Variants in RUNX2 observed in about 807,000 individuals in gnomAD.
RUNX2 encodes RUNX family transcription factor 2.
RUNX2 carries 10 observed loss-of-function variants against 51.7 expected under a neutral mutation model. The observed-to-expected ratio is 0.19, with a 90% CI of 0.12 to 0.33. The LOEUF is 0.33. Ranked by LOEUF, RUNX2 falls within the 10% of genes least tolerant of loss-of-function variation. The pLI is 1.00. For missense variants in RUNX2, 562 were observed against 691.3 expected (o/e 0.81, Z 2.10); for synonymous variants, 276 against 273.6 (o/e 1.01, Z -0.09).
chr6:45,417,047 C>T (rs564363729), intron 2 of RUNX2, among the ~76,000 whole-genome samples: 156 of 152,138 alleles, frequency 1.0e-3, no homozygotes, highest in Non-Finnish European at 1.9e-3. Flanking sequence ...ACAAATCAGA[C>T]AGTATTTAAC....
intron 7 of RUNX2, among the ~76,000 whole-genome samples, chr6:45,539,865 T>G (rs1015644928): frequency 2.6e-5 from 4 of 152,258 alleles, no homozygotes; most frequent in African/African-American, 9.6e-5. Context: ...ATGAAAATTC[T>G]TATCTAAAAC....
intron 2 of RUNX2, among the ~76,000 whole-genome samples, chr6:45,363,325 G>A (rs74483478): frequency 0.02 from 3,091 of 152,082 alleles, 43 homozygotes; most frequent in Non-Finnish European, 0.032. Context: ...CAAGTATATT[G>A]TTTTAATAAA....
At chr6:45,347,480 T>TGATG (rs1791122586) in intron 2 of RUNX2, among the ~76,000 whole-genome samples, 1 of 152,168 alleles carries the variant, frequency 6.6e-6, no homozygotes, top group Non-Finnish European at 1.5e-5. Flanking sequence ...CCATGTATCA[T>TGATG]TATAGGCAAG....
chr6:45,387,761 A>G lies in RUNX2; in HGVS notation c.59-34832A>G, dbSNP rs79155040. Among the ~76,000 whole-genome samples the G allele has an allele frequency of 5.4e-3, 827 of 152,328 alleles. 12 individuals carry two copies. The highest frequency in any genetic ancestry group is 0.019 in the African/African-American group (795 of 41,576). ...GAGGAAGAGTCAACAAGGAACGTTG[A>G]GAGGGTGCTTAGTGGTGTCACAGAA... On this transcript the variant is annotated intron_variant, in intron 2 of 8. Transcript: ENST00000647337.
At chr6:45,546,687 G>A in intron 8 of RUNX2, 140 bp from the exon 9 acceptor site, 1 of 716,320 alleles carries the variant, frequency 1.4e-6, no homozygotes, top group Non-Finnish European at 2.4e-6. Context: ...AGTGACTGGT[G>A]CATTTGAAGG....
At chr6:45,528,474 A>G (rs1253564881) in intron 7 of RUNX2, among the ~76,000 whole-genome samples, 1 of 152,124 alleles carries the variant, frequency 6.6e-6, no homozygotes, top group Non-Finnish European at 1.5e-5. Context: ...TACAAAAATT[A>G]GTCGGGTGTG....
intron 5 of RUNX2, among the ~76,000 whole-genome samples, chr6:45,442,305 T>A (rs1798864430): frequency 6.6e-6 from 1 of 152,196 alleles, no homozygotes; most frequent in Non-Finnish European, 1.5e-5. Context: ...AGGCAAGGCA[T>A]TTTGACCTTC....
At chr6:45,537,000 C>A (rs1802058970) in intron 7 of RUNX2, among the ~76,000 whole-genome samples, 1 of 152,170 alleles carries the variant, frequency 6.6e-6, no homozygotes, top group African/African-American at 2.4e-5. Flanking sequence ...TTTCCTTCTT[C>A]TCTGGCTCTA....
chr6:45,397,241 C>G (rs1033995699), intron 2 of RUNX2, among the ~76,000 whole-genome samples: 3 of 151,776 alleles, frequency 2.0e-5, no homozygotes, highest in African/African-American at 7.3e-5. Flanking sequence ...GTAGCTGGGA[C>G]TACAGGGGCC....
chr6:45,474,158 CT>C (rs11296077), intron 5 of RUNX2, among the ~76,000 whole-genome samples: 4,309 of 143,114 alleles, frequency 0.03, 167 homozygotes, highest in African/African-American at 0.095. Flanking sequence ...TTTCTGTTTT[CT>C]TTTTTTTTTT....
chr6:45,374,985 G>A (rs1280422577), intron 2 of RUNX2, among the ~76,000 whole-genome samples: 1 of 152,052 alleles, frequency 6.6e-6, no homozygotes, highest in Non-Finnish European at 1.5e-5. Flanking sequence ...GGCGGGTGGA[G>A]CACTTGAGAT....
chr6:45,524,782 C>T (rs570488646), intron 7 of RUNX2, among the ~76,000 whole-genome samples: 1 of 152,294 alleles, frequency 6.6e-6, no homozygotes, highest in African/African-American at 2.4e-5. Context: ...TCCCAAACTA[C>T]ACCTTAGGAA....
chr6:45,439,288 T>C (rs1366574804), intron 5 of RUNX2, among the ~76,000 whole-genome samples: 3 of 152,218 alleles, frequency 2.0e-5, no homozygotes, highest in Non-Finnish European at 4.4e-5. Flanking sequence ...GTGCTGGCCC[T>C]GTCTGTTCAG....
At chr6:45,357,439 T>C (rs1176262894) in intron 2 of RUNX2, among the ~76,000 whole-genome samples, 1 of 143,232 alleles carries the variant, frequency 7.0e-6, no homozygotes, top group Non-Finnish European at 1.6e-5. Context: ...CAAGTGATCC[T>C]CCTGCCTCAG....
chr6:45,392,153 A>T (rs912043397), intron 2 of RUNX2, among the ~76,000 whole-genome samples: 1 of 152,186 alleles, frequency 6.6e-6, no homozygotes, highest in Non-Finnish European at 1.5e-5. Flanking sequence ...GCCTTCAAGA[A>T]ATCTGCACGC....
At chr6:45,499,962 A>G (rs1800756435) in intron 6 of RUNX2, among the ~76,000 whole-genome samples, 1 of 152,162 alleles carries the variant, frequency 6.6e-6, no homozygotes, top group African/African-American at 2.4e-5. Context: ...ACGTGTATGC[A>G]TACCTGTCCC....
intron 2 of RUNX2, among the ~76,000 whole-genome samples, chr6:45,358,585 A>G (rs1473321966): frequency 6.6e-6 from 1 of 152,170 alleles, no homozygotes; most frequent in African/African-American, 2.4e-5. Context: ...TAACAAGAGC[A>G]CAATGTTTAT....
chr6:45,438,165 T>C lies in RUNX2; in HGVS notation c.685+114T>C, dbSNP rs539897215. ...ATGTCCATAGTGTCTTTGTGGACTT[T>C]GCTATCTGCATATATTTTTTTTAGT... On this transcript the variant is annotated intron_variant, in intron 5 of 8. Transcript: ENST00000647337. The C allele has an allele frequency of 3.5e-4, 256 of 733,522 alleles. 1 individual carries two copies. Among genetic ancestry groups the C allele is most frequent in the Non-Finnish European group, 5.5e-4 (225 of 410,214 alleles). The allele number at this position is 733,522 out of a possible 1,614,324, so 45.4% of individuals were successfully genotyped here.
chr6:45,521,527 T>C (rs940137423), intron 7 of RUNX2, among the ~76,000 whole-genome samples: 1 of 152,234 alleles, frequency 6.6e-6, no homozygotes, highest in Admixed American at 6.5e-5. Context: ...ACATTAATTA[T>C]AGCCATCATG....
Sources: allele counts gnomAD v4.1 joint callset (sites outside exome capture counted in the v4.1 genomes callset), GRCh38; gene constraint gnomAD v4.1.1; transcripts MANE v1.5; gene names NCBI Gene and HGNC (gene_info 2026-07-23, HGNC 2026-07-21).